The following ZFHX2 variants were observed in gnomAD, a reference collection of about 807,000 sequenced individuals.
ZFHX2 encodes zinc finger homeobox 2, also known as zinc finger homeobox protein 2.
Under a neutral mutation model 164.8 loss-of-function variants are expected in ZFHX2, and 75 were observed. The ratio of observed to expected loss-of-function variants is 0.46; its 90% CI spans 0.38 to 0.55. The LOEUF (loss-of-function observed/expected upper bound fraction) is 0.55, where lower values mean the gene tolerates loss of function less well. Among genes scored for constraint, ZFHX2 ranks in the 20% least tolerant of loss-of-function variants. ZFHX2 has a pLI of 0.00. For synonymous variants in ZFHX2, 1,217 were observed against 1,351.4 expected, an observed-to-expected ratio of 0.90 and a Z score of 2.18; for missense variants, 2,933 against 3,308.0, an observed-to-expected ratio of 0.89 and a Z score of 2.78.
chr14:23,533,264 G>A lies in ZFHX2; in HGVS notation c.2041+21C>T. On this transcript the variant is annotated intron_variant, in intron 2 of 9. Transcript: ENST00000419474. This position sits in a 1 kb window ranked among gnomAD's most constrained non-coding sequence, Gnocchi z 4.8. ...TTTGGCCCTGGGGAGGAGAGAAGAG[G>A]GAAGAAGCACAGAAGCTTACCGGAT... 4 of 1,436,060 alleles carry A rather than the reference G, an allele frequency of 2.8e-6. No homozygotes were observed. The African/African-American group carries it at 4.3e-5, about 15-fold the overall frequency. The allele number at this position is 1,436,060 out of a possible 1,614,324, so 89.0% of individuals were successfully genotyped here.
intron 1 of ZFHX2, among the ~76,000 whole-genome samples, chr14:23,538,835 G>A (rs1478338789): frequency 5.9e-5 from 9 of 152,126 alleles, no homozygotes; most frequent in Non-Finnish European, 1.3e-4. Flanking sequence ...AGGGGTTAGG[G>A]GAGACAGAGC....
At position 23,524,533 on chromosome 14, in the gene ZFHX2, T is replaced by G; in HGVS notation, c.5409A>C (p.Gln1803His). 1 of 1,526,154 alleles carries G rather than the reference T, an allele frequency of 6.6e-7. No individual in the cohort carries two copies. 94.5% of individuals were successfully genotyped at this position (1,526,154 alleles called of 1,614,324 possible). Residue 1803 changes from glutamine (Q) to histidine (H), a missense_variant, in exon 9 of 10, where the codon CAA becomes CAC. Physicochemically the swap from Gln to His is conservative, Grantham distance 24. Coordinates refer to ENST00000419474, the MANE Select transcript of ZFHX2 (RefSeq NM_033400.3). This position sits in a 1 kb window ranked among gnomAD's most constrained non-coding sequence, Gnocchi z 5.6. ...LPSLQPSAPP[Q>H]LLDLPLLVFG... ...ACACCAGCAAGGGCAGATCTAGGAGTTGGGGGGGAGCACTGGGCTGCAGAG... is the reference window on the plus strand; with the variant it reads ...ACACCAGCAAGGGCAGATCTAGGAGGTGGGGGGGAGCACTGGGCTGCAGAG...
Position 23,524,093 on chromosome 14 carries a change from A to G in ZFHX2, c.5849T>C (p.Val1950Ala). 6.5e-7 allele frequency: 1 copy of G among 1,532,454 alleles called. No individual in the cohort carries two copies. The highest frequency in any genetic ancestry group is 8.7e-7 in the Non-Finnish European group (1 of 1,144,990). The allele number at this position is 1,532,454 out of a possible 1,614,324, so 94.9% of individuals were successfully genotyped here. ...LPKFNLLLGK[V>A]DDGTGREAPK... The stretch of plus-strand genomic sequence containing the variant: ...GGCTTCCCTCCCAGTGCCATCATCT[A>G]CCTTGCCTAATAAGAGGTTGAACTT... The change falls in exon 9 of 10, where the codon GTA becomes GCA. Residue 1950 changes from valine (V) to alanine (A), a missense_variant. Coordinates refer to ENST00000419474, the MANE Select transcript of ZFHX2 (RefSeq NM_033400.3). The surrounding 1 kb of genome is among the most constrained non-coding windows in gnomAD (Gnocchi z 5.6).
intron 3 of ZFHX2, 54 bp from the exon 4 acceptor site, chr14:23,531,775 A>G: frequency 3.9e-6 from 5 of 1,270,580 alleles, no homozygotes; most frequent in Non-Finnish European, 5.0e-6. Context: ...GCCAGACCTC[A>G]GGGGACTTTT....
chr14:23,529,631 C>G, intron 6 of ZFHX2, 79 bp downstream of exon 6: 1 of 1,332,642 alleles, frequency 7.5e-7, no homozygotes, highest in Non-Finnish European at 1.0e-6. Context: ...GACAAAATTA[C>G]GTCTGCCTTT....
Position 23,524,775 on chromosome 14 carries a change from G to A in ZFHX2, c.5167C>T (p.Gln1723Ter). Residue 1723 changes from glutamine (Q) to a stop codon, truncating the protein, a stop_gained, in exon 9 of 10, where the codon CAG becomes TAG. Transcript: ENST00000419474. LOFTEE classifies it high-confidence loss of function. This position sits in a 1 kb window ranked among gnomAD's most constrained non-coding sequence, Gnocchi z 5.6. ...EVEEEEVEEEQGLEPPAGPEG... is the reference protein window; with the variant it reads ...EVEEEEVEEE ...GGCCCTGCTGGAGGTTCAAGGCCCT[G>A]TTCCTCCTCTACTTCTTCTTCTTCC... The A allele has an allele frequency of 2.0e-6, 3 of 1,536,552 alleles. No homozygotes were observed. Among genetic ancestry groups the A allele is most frequent in the Non-Finnish European group, 2.6e-6 (3 of 1,146,980 alleles).
chr14:23,526,484 G>A lies in ZFHX2; in HGVS notation c.3458C>T (p.Thr1153Ile). ...PPTMAEEEEG[T>I]TGELRSAEPA... ...CTCTGCAGAGCGGAGCTCCCCAGTG[G>A]TCCCCTCTTCCTCCTCAGCCATGGT... The change falls in exon 9 of 10, where the codon ACC (threonine) becomes ATC (isoleucine). Residue 1153 changes from threonine (T) to isoleucine (I), a missense_variant. Physicochemically the swap from Thr to Ile is moderately conservative, Grantham distance 89. Transcript: ENST00000419474. 2 of 1,536,110 alleles carry A rather than the reference G, an allele frequency of 1.3e-6. No homozygotes were observed. Among genetic ancestry groups the A allele is most frequent in the Non-Finnish European group, 1.7e-6 (2 of 1,146,886 alleles).
chr14:23,532,686 C>T lies in ZFHX2; in HGVS notation c.2440G>A (p.Gly814Arg). Residue 814 changes from glycine (G) to arginine (R), a missense_variant, in exon 3 of 10, where the codon GGG (glycine) becomes AGG (arginine). By Grantham distance (125) the Gly-to-Arg change is moderately radical. Transcript: ENST00000419474. ...CGCAGGTGTAGTGGGGAGACAGACC[C>T]ATAAGGAGCCCCATCTCCCAGGGAT... ...PASLGDGAPY[G>R]SVSPLHLRCN... 2.0e-6 allele frequency: 3 copies of T among 1,527,600 alleles called. No homozygotes were observed. The highest frequency in any genetic ancestry group is 1.8e-6 in the Non-Finnish European group (2 of 1,142,310). 94.6% of individuals were successfully genotyped at this position (1,527,600 alleles called of 1,614,324 possible). A position where few individuals can be genotyped will look rare whatever the true frequency, so the allele number is the denominator to read the frequency against.
intron 4 of ZFHX2, chr14:23,530,410 C>A: frequency 1.5e-6 from 1 of 675,058 alleles, no homozygotes; most frequent in Non-Finnish European, 2.7e-6. Context: ...CCTAAGAGAT[C>A]ATTTTATTAA....
chr14:23,523,418 T>G lies in ZFHX2; in HGVS notation c.6524A>C (p.Lys2175Thr). Reference protein sequence around the residue: ...LFSRQHLAKLKEAVRAQLKSE... With the variant: ...LFSRQHLAKLTEAVRAQLKSE... ...CTTCAGCTGGGCTCGAACCGCCTCC[T>G]TGAGCTTGGCCAGGTGCTGACGGGA... Residue 2175 changes from lysine (K) to threonine (T), a missense_variant, in exon 9 of 10, where the codon AAG becomes ACG. By Grantham distance (78) the Lys-to-Thr change is moderately conservative. Transcript: ENST00000419474. This position sits in a 1 kb window ranked among gnomAD's most constrained non-coding sequence, Gnocchi z 4.1. The G allele has an allele frequency of 6.5e-7, 1 of 1,531,332 alleles. No individual in the cohort carries two copies. Among genetic ancestry groups the G allele is most frequent in the Non-Finnish European group, 8.7e-7 (1 of 1,144,490 alleles). 94.9% of individuals were successfully genotyped at this position (1,531,332 alleles called of 1,614,324 possible).
chr14:23,521,899 C>T lies in ZFHX2; in HGVS notation c.*63G>A. Reference sequence around the variant, plus strand: ...GTGAGGGATTTGAGCTCCCACCGAACACCCCTTGGGGTAAAAGAGGGAGCC... The same window carrying T: ...GTGAGGGATTTGAGCTCCCACCGAATACCCCTTGGGGTAAAAGAGGGAGCC... On this transcript the variant is annotated 3_prime_UTR_variant, in exon 10 of 10. Transcript: ENST00000419474. 1 of 1,524,168 alleles carries T rather than the reference C, an allele frequency of 6.6e-7. No homozygotes were observed. The highest frequency in any genetic ancestry group is 1.9e-4 in the Middle Eastern group (1 of 5,250). The allele number at this position is 1,524,168 out of a possible 1,614,324, so 94.4% of individuals were successfully genotyped here. A position where few individuals can be genotyped will look rare whatever the true frequency, so the allele number is the denominator to read the frequency against.
Position 23,522,944 on chromosome 14 carries a change from A to G in ZFHX2, c.6740-3T>C, listed in dbSNP as rs906450992. The stretch of plus-strand genomic sequence containing the variant: ...GAGGCCTGAGGAGGCTGCCGGGCCT[A>G]GAAAGGTGAAAGGAAGGATGAAGGA... On this transcript the variant is annotated splice_polypyrimidine_tract_variant and splice_region_variant and intron_variant, in intron 9 of 9. Coordinates refer to ENST00000419474, the MANE Select transcript of ZFHX2 (RefSeq NM_033400.3). 6.9e-7 allele frequency: 1 copy of G among 1,439,664 alleles called. No individual in the cohort carries two copies. Among genetic ancestry groups the G allele is most frequent in the Non-Finnish European group, 9.1e-7 (1 of 1,101,762 alleles). 89.2% of individuals were successfully genotyped at this position (1,439,664 alleles called of 1,614,324 possible).
chr14:23,550,266 T>G (rs1462380757), intron 1 of ZFHX2, among the ~76,000 whole-genome samples: 1 of 152,088 alleles, frequency 6.6e-6, no homozygotes, highest in Non-Finnish European at 1.5e-5. Flanking sequence ...ACTAGAGGCT[T>G]TGGCGAAGAC....
intron 6 of ZFHX2, 43 bp downstream of exon 6, chr14:23,529,658 TCAGTAAAGC>T (rs1879273852): frequency 6.8e-7 from 1 of 1,470,048 alleles, no homozygotes; most frequent in Non-Finnish European, 9.2e-7. Context: ...TGAGCAGATC[TCAGTAAAGC>T]CAGGCCCCCA....
Position 23,523,449 on chromosome 14 carries a change from G to A in ZFHX2, c.6493C>T (p.Leu2165Phe), listed in dbSNP as rs1386996169. ...TTGGCCAGGTGCTGACGGGAAAAGA[G>A]ATGGCCTCGGCAGGAGACATAGAAA... is the stretch of plus-strand genomic sequence containing the variant. Reference protein sequence around the residue: ...YDFYVSCRGHLFSRQHLAKLK... With the variant: ...YDFYVSCRGHFFSRQHLAKLK... Residue 2165 changes from leucine (L) to phenylalanine (F), a missense_variant, in exon 9 of 10, where the codon CTC (leucine) becomes TTC (phenylalanine). Transcript: ENST00000419474. This position sits in a 1 kb window ranked among gnomAD's most constrained non-coding sequence, Gnocchi z 4.1. 3 of 1,535,834 alleles carry A rather than the reference G, an allele frequency of 2.0e-6. No individual in the cohort carries two copies. In the South Asian group the frequency reaches 3.6e-5, roughly 18 times the overall value.
intron 1 of ZFHX2, among the ~76,000 whole-genome samples, chr14:23,536,251 A>G (rs960797789): frequency 9.8e-5 from 15 of 152,306 alleles, no homozygotes; most frequent in African/African-American, 3.1e-4. Context: ...TTTTTGCTCT[A>G]TCTTTAGCAC....
Position 23,546,490 on chromosome 14 carries a change from C to T in ZFHX2, c.-50+4853G>A, listed in dbSNP as rs1412338961. Among the ~76,000 whole-genome samples the T allele has an allele frequency of 6.6e-6, 1 of 152,174 alleles. No homozygotes were observed. The highest frequency in any genetic ancestry group is 2.4e-5 in the African/African-American group (1 of 41,440). ...GGACCTCAGCCCTGTCACCCCTTAA[C>T]AACTGCACATGAGGACCCTGGTCTC... On this transcript the variant is annotated intron_variant, in intron 1 of 9. Coordinates refer to ENST00000419474, the MANE Select transcript of ZFHX2 (RefSeq NM_033400.3). The surrounding 1 kb of genome is among the most constrained non-coding windows in gnomAD (Gnocchi z 4.7).
chr14:23,534,222 G>C lies in ZFHX2; in HGVS notation c.1104C>G (p.Gly368=). 1 of 1,509,802 alleles carries C rather than the reference G, an allele frequency of 6.6e-7. No individual in the cohort carries two copies. Among genetic ancestry groups the C allele is most frequent in the Admixed American group, 2.0e-5 (1 of 49,012 alleles). 93.5% of individuals were successfully genotyped at this position (1,509,802 alleles called of 1,614,324 possible). Residue 368 remains glycine, a synonymous_variant, in exon 2 of 10, where the codon GGC becomes GGG. Coordinates refer to ENST00000419474, the MANE Select transcript of ZFHX2 (RefSeq NM_033400.3). The surrounding 1 kb of genome is among the most constrained non-coding windows in gnomAD (Gnocchi z 4.5). Reference sequence around the variant, plus strand: ...CAGGGAACCAATCTGGCCCTGCCTCGCCTGCTGCTACTGGCGATTCTTTGG... The same window carrying C: ...CAGGGAACCAATCTGGCCCTGCCTCCCCTGCTGCTACTGGCGATTCTTTGG... ...TQAKESPVAA[G]EAGPDWFPEG...
chr14:23,534,267 C>G lies in ZFHX2; in HGVS notation c.1059G>C (p.Trp353Cys). 6.5e-7 allele frequency: 1 copy of G among 1,530,254 alleles called. No individual in the cohort carries two copies. Among genetic ancestry groups the G allele is most frequent in the East Asian group, 2.5e-5 (1 of 40,808 alleles). 94.8% of individuals were successfully genotyped at this position (1,530,254 alleles called of 1,614,324 possible). The change falls in exon 2 of 10, where the codon TGG becomes TGC. Residue 353 changes from tryptophan (W) to cysteine (C), a missense_variant. Trp to Cys is a radical substitution (Grantham distance 215, BLOSUM62 -2). Coordinates refer to ENST00000419474, the MANE Select transcript of ZFHX2 (RefSeq NM_033400.3). The surrounding 1 kb of genome is among the most constrained non-coding windows in gnomAD (Gnocchi z 4.5). Reference sequence around the variant, plus strand: ...CTTTGGCTTGGGTTGGGCTGGGGTCCCAGGTGGCTGTGGGTGGAGAGGGTG... The same window carrying G: ...CTTTGGCTTGGGTTGGGCTGGGGTCGCAGGTGGCTGTGGGTGGAGAGGGTG... ...LSPPSPPTATWDPSPTQAKES... is the reference protein window; with the variant it reads ...LSPPSPPTATCDPSPTQAKES...
Sources: gnomAD v4.1 joint callset for allele counts (sites outside exome capture counted in the v4.1 genomes callset) on GRCh38, gnomAD v4.1.1 for gene constraint, Gnocchi (gnomAD v3.1) non-coding constraint, MANE v1.5 for transcripts, NCBI Gene and HGNC (gene_info 2026-07-23, HGNC 2026-07-21) for gene names.